GALNTL6: variants seen among roughly 807,000 people sequenced by gnomAD.
GALNTL6 encodes the protein polypeptide N-acetylgalactosaminyltransferase like 6.
In GALNTL6, 46 loss-of-function variants were observed where a neutral mutation model predicts 73.7. That is an observed-to-expected ratio of 0.62 (90% CI 0.49 to 0.80). The LOEUF is 0.80. Ranked by LOEUF, GALNTL6 falls within the 30% of genes least tolerant of loss-of-function variation. The probability of loss-of-function intolerance (pLI) is 0.00; values close to 1 mark genes in which losing one functional copy is unlikely to be tolerated. For missense variants in GALNTL6, 604 were observed against 755.0 expected, an observed-to-expected ratio of 0.80 and a Z score of 2.34; for synonymous variants, 259 against 263.7, an observed-to-expected ratio of 0.98 and a Z score of 0.17.
At chr4:172,129,418 T>A (rs2111014685) in intron 2 of GALNTL6, among the ~76,000 whole-genome samples, 1 of 152,330 alleles carries the variant, frequency 6.6e-6, no homozygotes, top group Admixed American at 6.5e-5. Context: ...CATTGGTGGC[T>A]AGAGTCCCAA....
intron 5 of GALNTL6, among the ~76,000 whole-genome samples, chr4:172,728,670 G>C (rs529843729): frequency 6.6e-6 from 1 of 152,250 alleles, no homozygotes; most frequent in South Asian, 2.1e-4. Flanking sequence ...TTTATGAATA[G>C]TGCTGCAATA....
chr4:172,658,250 A>G (rs187335285), intron 5 of GALNTL6, among the ~76,000 whole-genome samples: 11 of 149,210 alleles, frequency 7.4e-5, no homozygotes, highest in African/African-American at 2.5e-4. Context: ...GTGGATCACG[A>G]AGTCAGGAGC....
At chr4:171,946,123 T>C (rs2111022258) in intron 2 of GALNTL6, among the ~76,000 whole-genome samples, 1 of 152,246 alleles carries the variant, frequency 6.6e-6, no homozygotes, top group African/African-American at 2.4e-5. Flanking sequence ...AATACAAAAT[T>C]TGTAGTTCAA....
chr4:172,368,224 C>CA (rs1348984395), intron 5 of GALNTL6, among the ~76,000 whole-genome samples: 1 of 151,720 alleles, frequency 6.6e-6, no homozygotes, highest in Non-Finnish European at 1.5e-5. Flanking sequence ...ACTAAAAATA[C>CA]AAAAAAATTA....
chr4:172,409,649 T>C (rs1561070244), intron 5 of GALNTL6, among the ~76,000 whole-genome samples: 1 of 152,042 alleles, frequency 6.6e-6, no homozygotes, highest in Non-Finnish European at 1.5e-5. Context: ...CTATAAAATA[T>C]AAAGTAGAAA....
At position 172,574,888 on chromosome 4, in the gene GALNTL6, G is replaced by T. The variant is rs549566609; in HGVS notation, c.553+226199G>T. 3.3e-5 allele frequency among the ~76,000 whole-genome samples: 5 copies of T among 151,744 alleles called. No homozygotes were observed. In the South Asian group the frequency reaches 1.0e-3, roughly 32 times the overall value. Reference sequence around the variant, plus strand: ...ACAAATAAGATATATTTTTAGAGAGGTGCTCACACATGCAAGCGTGCATGC... The same window carrying T: ...ACAAATAAGATATATTTTTAGAGAGTTGCTCACACATGCAAGCGTGCATGC... On this transcript the variant is annotated intron_variant, in intron 5 of 12. Transcript: ENST00000506823.
At chr4:172,614,549 T>C (rs1366059947) in intron 5 of GALNTL6, among the ~76,000 whole-genome samples, 1 of 152,184 alleles carries the variant, frequency 6.6e-6, no homozygotes, top group East Asian at 1.9e-4. Flanking sequence ...GTATCTTGTA[T>C]TGGGTAGTTT....
At chr4:172,960,625 G>A (rs1039439053) in intron 10 of GALNTL6, among the ~76,000 whole-genome samples, 1 of 152,138 alleles carries the variant, frequency 6.6e-6, no homozygotes, top group African/African-American at 2.4e-5. Flanking sequence ...AGGGAACAAT[G>A]TGTAAAAGAA....
intron 2 of GALNTL6, among the ~76,000 whole-genome samples, chr4:171,873,174 T>C (rs1420581064): frequency 6.6e-6 from 1 of 152,210 alleles, no homozygotes; most frequent in Non-Finnish European, 1.5e-5. Flanking sequence ...TCCTTTGTTC[T>C]ATATTTTAAA....
At chr4:172,366,835 TATA>T (rs1216140919) in intron 5 of GALNTL6, among the ~76,000 whole-genome samples, 1 of 152,186 alleles carries the variant, frequency 6.6e-6, no homozygotes, top group African/African-American at 2.4e-5. Flanking sequence ...AGAGAATGAA[TATA>T]ATAATGCTAC....
intron 2 of GALNTL6, among the ~76,000 whole-genome samples, chr4:172,144,140 A>G (rs1361579657): frequency 2.0e-5 from 3 of 152,116 alleles, no homozygotes; most frequent in East Asian, 3.9e-4. Context: ...TCCCCTTCCA[A>G]TTATCAGGAG....
chr4:172,981,995 A>G (rs1554008489), intron 10 of GALNTL6, among the ~76,000 whole-genome samples: 1 of 151,910 alleles, frequency 6.6e-6, no homozygotes, highest in Non-Finnish European at 1.5e-5. Context: ...GGGTTTCTCC[A>G]TGTTGGTCAG....
intron 7 of GALNTL6, among the ~76,000 whole-genome samples, chr4:172,814,876 G>A (rs1362704601): frequency 1.3e-5 from 2 of 152,078 alleles, no homozygotes; most frequent in Non-Finnish European, 2.9e-5. Context: ...AAAATGAAGC[G>A]CTCTCATTAA....
chr4:172,148,968 C>G (rs1733995548), intron 2 of GALNTL6, among the ~76,000 whole-genome samples: 1 of 152,120 alleles, frequency 6.6e-6, no homozygotes, highest in Non-Finnish European at 1.5e-5. Flanking sequence ...CTAATTTACA[C>G]AGTGAGGTCT....
chr4:172,446,232 G>A (rs1732014826), intron 5 of GALNTL6, among the ~76,000 whole-genome samples: 3 of 152,214 alleles, frequency 2.0e-5, no homozygotes, highest in South Asian at 2.1e-4. Context: ...GATATAAGAG[G>A]CACCTTTATG....
chr4:172,452,306 A>G (rs1732243061), intron 5 of GALNTL6, among the ~76,000 whole-genome samples: 1 of 151,830 alleles, frequency 6.6e-6, no homozygotes, highest in Admixed American at 6.6e-5. Context: ...TATTTTCACT[A>G]TTTATTTATA....
chr4:172,314,264 CTT>C (rs1740466492), intron 4 of GALNTL6, among the ~76,000 whole-genome samples: 2 of 152,120 alleles, frequency 1.3e-5, no homozygotes, highest in Non-Finnish European at 2.9e-5. Context: ...TTCTAAGAAA[CTT>C]TTCCTTTTCA....
At chr4:172,377,679 C>A (rs1743087189) in intron 5 of GALNTL6, among the ~76,000 whole-genome samples, 1 of 152,128 alleles carries the variant, frequency 6.6e-6, no homozygotes, top group Non-Finnish European at 1.5e-5. Context: ...AAGCCCTGCC[C>A]CACAGGGAGG....
chr4:172,626,905 T>C (rs1205385415), intron 5 of GALNTL6, among the ~76,000 whole-genome samples: 2 of 152,148 alleles, frequency 1.3e-5, no homozygotes, highest in Non-Finnish European at 2.9e-5. Flanking sequence ...GCAGTATCAT[T>C]AGAGCTTTCT....
Sources: allele counts gnomAD v4.1 joint callset (sites outside exome capture counted in the v4.1 genomes callset), GRCh38; gene constraint gnomAD v4.1.1; transcripts MANE v1.5; gene names NCBI Gene and HGNC (gene_info 2026-07-23, HGNC 2026-07-21).